Variants in STIM2 observed in about 807,000 individuals in gnomAD.
The protein encoded by STIM2 is stromal interaction molecule 2.
In STIM2, 31 loss-of-function variants were observed where a neutral mutation model predicts 85.8. The observed-to-expected ratio is 0.36, with a 90% CI of 0.27 to 0.49. The LOEUF (loss-of-function observed/expected upper bound fraction) is 0.49. Ranked by LOEUF, STIM2 falls within the 20% of genes least tolerant of loss-of-function variation. STIM2 has a pLI of 0.98. For synonymous variants in STIM2, 356 were observed against 331.1 expected (o/e 1.08, Z -0.82); for missense variants, 841 against 927.6 (o/e 0.91, Z 1.21).
chr4:26,938,568 G>T (rs1282398718), intron 2 of STIM2, among the ~76,000 whole-genome samples: 1 of 152,166 alleles, frequency 6.6e-6, no homozygotes, highest in East Asian at 1.9e-4. Flanking sequence ...AGTTCTCCAA[G>T]CACTGACTGC....
chr4:26,868,873 C>T (rs1722501283), intron 1 of STIM2, among the ~76,000 whole-genome samples: 1 of 152,162 alleles, frequency 6.6e-6, no homozygotes, highest in Non-Finnish European at 1.5e-5. Flanking sequence ...CATATTCAGA[C>T]TGTATTAATC....
intron 1 of STIM2, among the ~76,000 whole-genome samples, chr4:26,917,901 A>G (rs551980807): frequency 1.5e-3 from 235 of 152,272 alleles, no homozygotes; most frequent in Non-Finnish European, 2.7e-3. Flanking sequence ...CTTTTAAATA[A>G]TTGCAAATAA....
At chr4:27,010,561 AC>A (rs1282598666) in intron 10 of STIM2, among the ~76,000 whole-genome samples, 1 of 152,102 alleles carries the variant, frequency 6.6e-6, no homozygotes, top group Non-Finnish European at 1.5e-5. Flanking sequence ...GAGGTACTCC[AC>A]TCTGCTTAGT....
chr4:26,917,574 A>G (rs1724631428), intron 1 of STIM2, among the ~76,000 whole-genome samples: 1 of 98,054 alleles, frequency 1.0e-5, no homozygotes, highest in Non-Finnish European at 2.2e-5. Context: ...CGCCTATTTA[A>G]ATAAATAATT....
At chr4:27,007,910 G>T in intron 8 of STIM2, 2 of 723,152 alleles carry the variant, frequency 2.8e-6, no homozygotes, top group South Asian at 3.2e-5. Flanking sequence ...TTTTCAAAGT[G>T]ACCTTAGTGA....
intron 1 of STIM2, chr4:26,861,680 C>G: frequency 4.1e-6 from 1 of 240,992 alleles, no homozygotes; most frequent in African/African-American, 2.3e-5. Flanking sequence ...GCAGGGTCTG[C>G]AGGGGACTGG....
chr4:26,999,173 A>C (rs1037995769), intron 4 of STIM2, 59 bp from the exon 5 acceptor site: 4 of 694,982 alleles, frequency 5.8e-6, no homozygotes, highest in South Asian at 4.8e-5. Context: ...AAATTTGTAT[A>C]CTAGAAATAT....
chr4:27,022,543 A>G lies in STIM2; in HGVS notation c.1788A>G (p.Glu596=), dbSNP rs1267103150. 1.9e-6 allele frequency: 3 copies of G among 1,601,030 alleles called. No individual in the cohort carries two copies. Among genetic ancestry groups the G allele is most frequent in the Admixed American group, 1.7e-5 (1 of 59,606 alleles). The change falls in exon 12 of 12, where the codon GAA becomes GAG. Residue 596 remains glutamate (E), a synonymous_variant. Transcript: ENST00000467087. ...GGGAAGTGCCAGACACAGCTTCAGA[A>G]TGTGACTCCTTAAATTCTTCCATTG... is the stretch of plus-strand genomic sequence containing the variant.
Position 27,024,290 on chromosome 4 carries a change from A to C in STIM2, c.*1294A>C, listed in dbSNP as rs1650310227. On this transcript the variant is annotated 3_prime_UTR_variant, in exon 12 of 12. Transcript: ENST00000467087. ...AACAGTAGAGAGTTAAGTTCCATAT[A>C]GCAACAAAGTATGTTAACATCTAGG... 1 of 152,212 alleles carries C rather than the reference A, an allele frequency of 6.6e-6. No homozygotes were observed. Among genetic ancestry groups the C allele is most frequent in the Non-Finnish European group, 1.5e-5 (1 of 68,020 alleles). The allele number at this position is 152,212 out of a possible 1,614,324, so 9.4% of individuals were successfully genotyped here.
chr4:26,869,629 A>G (rs1164446178), intron 1 of STIM2, among the ~76,000 whole-genome samples: 2 of 152,090 alleles, frequency 1.3e-5, no homozygotes, highest in Non-Finnish European at 2.9e-5. Context: ...CCTGGACTCA[A>G]TCAATCTTCC....
At chr4:26,951,435 G>A (rs756088456) in intron 2 of STIM2, among the ~76,000 whole-genome samples, 3 of 152,076 alleles carry the variant, frequency 2.0e-5, no homozygotes, top group African/African-American at 4.8e-5. Flanking sequence ...TTCTCTCCAG[G>A]AACTCATTTA....
chr4:26,899,042 A>G (rs1465888415), intron 1 of STIM2, among the ~76,000 whole-genome samples: 1 of 152,006 alleles, frequency 6.6e-6, no homozygotes, highest in Admixed American at 6.6e-5. Flanking sequence ...AAATGAAGAT[A>G]ATACAACCCT....
chr4:27,008,396 C>G, intron 8 of STIM2, 32 bp from the exon 9 acceptor site: 2 of 1,390,816 alleles, frequency 1.4e-6, no homozygotes, highest in Non-Finnish European at 9.8e-7. Context: ...TTTTTTCAAA[C>G]CTAGCCTTAT....
At position 27,023,053 on chromosome 4, in the gene STIM2, C is replaced by T. The variant is rs1728966765; in HGVS notation, c.*57C>T. 2.7e-6 allele frequency: 4 copies of T among 1,475,218 alleles called. No individual in the cohort carries two copies. The South Asian group carries it at 3.8e-5, about 14-fold the overall frequency. 91.4% of individuals were successfully genotyped at this position (1,475,218 alleles called of 1,614,324 possible). A position where few individuals can be genotyped will look rare whatever the true frequency, so the allele number is the denominator to read the frequency against. On this transcript the variant is annotated 3_prime_UTR_variant, in exon 12 of 12. Transcript: ENST00000467087. ...GGCATCTGTAAACTATTATCCCCCACCCTCCACTCCCCACCTTTTTTTTGG... is the reference window on the plus strand; with the variant it reads ...GGCATCTGTAAACTATTATCCCCCATCCTCCACTCCCCACCTTTTTTTTGG...
rs560568443 is a variant in STIM2, at chr4:26,865,337, G to A, written c.151+3968G>A. Among the ~76,000 whole-genome samples the A allele has an allele frequency of 1.1e-3, 166 of 152,266 alleles. 1 individual carries two copies. The highest frequency in any genetic ancestry group is 3.9e-3 in the African/African-American group (161 of 41,550). ...TTGGTACTCTTAAGAATACATGGCA[G>A]AACTGGCCTCTGTTGGGAATCTCAT... On this transcript the variant is annotated intron_variant, in intron 1 of 11. Transcript: ENST00000467087.
At chr4:26,866,524 G>A (rs919615005) in intron 1 of STIM2, among the ~76,000 whole-genome samples, 3 of 152,162 alleles carry the variant, frequency 2.0e-5, no homozygotes, top group Non-Finnish European at 4.4e-5. Context: ...GTGGAGATAA[G>A]TGAAAAGGCT....
At chr4:26,868,112 T>C (rs1420181740) in intron 1 of STIM2, among the ~76,000 whole-genome samples, 1 of 152,220 alleles carries the variant, frequency 6.6e-6, no homozygotes. Flanking sequence ...GGATTAAGGC[T>C]AGGAGCAGTT....
Position 26,861,347 on chromosome 4 carries a change from C to T in STIM2, c.129C>T (p.Gly43=). 1 of 1,369,150 alleles carries T rather than the reference C, an allele frequency of 7.3e-7. No individual in the cohort carries two copies. The highest frequency in any genetic ancestry group is 9.4e-7 in the Non-Finnish European group (1 of 1,066,774). The allele number at this position is 1,369,150 out of a possible 1,614,324, so 84.8% of individuals were successfully genotyped here. A position where few individuals can be genotyped will look rare whatever the true frequency, so the allele number is the denominator to read the frequency against. Reference sequence around the variant, plus strand: ...CCTCCTCTCCCGCCGCGGCGGCCGGCGATAGCCCGGCGCTCATGACAGGTG... The same window carrying T: ...CCTCCTCTCCCGCCGCGGCGGCCGGTGATAGCCCGGCGCTCATGACAGGTG... Residue 43 remains glycine (G), a synonymous_variant, in exon 1 of 12, where the codon GGC becomes GGT. Transcript: ENST00000467087.
rs1379983672 is a variant in STIM2, at chr4:26,861,183, TG to T, written c.-32del. 2.1e-6 allele frequency: 3 copies of T among 1,426,332 alleles called. No individual in the cohort carries two copies. Among genetic ancestry groups the T allele is most frequent in the Non-Finnish European group, 2.8e-6 (3 of 1,088,042 alleles). The allele number at this position is 1,426,332 out of a possible 1,614,324, so 88.4% of individuals were successfully genotyped here. On this transcript the variant is annotated 5_prime_UTR_variant, in exon 1 of 12. Transcript: ENST00000467087. ...TCCCGCCTCGACTCCTGGCCCAGCG[TG>T]GGGCTGGCTGCTGCGGCGGCGGCGC...
Sources: allele counts gnomAD v4.1 joint callset (sites outside exome capture counted in the v4.1 genomes callset), GRCh38; gene constraint gnomAD v4.1.1; transcripts MANE v1.5; gene names NCBI Gene and HGNC (gene_info 2026-07-23, HGNC 2026-07-21).